The following PLEKHA1 variants were observed in gnomAD, a reference collection of about 807,000 sequenced individuals.
The protein encoded by PLEKHA1 is pleckstrin homology domain containing A1.
A neutral mutation model predicts 52.0 loss-of-function variants in PLEKHA1; 34 were observed. That is an observed-to-expected ratio of 0.65 (90% CI 0.50 to 0.87). The LOEUF is 0.87. PLEKHA1 is among the 40% of genes least tolerant of loss of function. The pLI is 0.00. For synonymous variants in PLEKHA1, 163 were observed against 170.7 expected (o/e 0.95, Z 0.35); for missense variants, 497 against 504.2 (o/e 0.99, Z 0.14).
the PLEKHA1 span, chr10:122,440,716 G>A: frequency 1.3e-5 from 2 of 152,068 alleles, no homozygotes. Context: ...CCTTTTAAAA[G>A]CCAAAGACTT....
chr10:122,377,483 T>C (rs1445500922), intron 1 of PLEKHA1, among the ~76,000 whole-genome samples: 1 of 152,234 alleles, frequency 6.6e-6, no homozygotes, highest in Non-Finnish European at 1.5e-5. Context: ...TTTAGGTTTT[T>C]TGACCATTTG....
Position 122,393,489 on chromosome 10 carries a change from GA to G in PLEKHA1, c.141+149del. ...GCTGTCCTCTCTGCCCTGCACCCCT[GA>G]CCTCTACTGTTTTGTTTGAATTTCA... On this transcript the variant is annotated intron_variant, in intron 2 of 11. Transcript: ENST00000368990. The surrounding 1 kb of genome is among the most constrained non-coding windows in gnomAD (Gnocchi z 4.5). 1.6e-6 allele frequency: 1 copy of G among 631,526 alleles called. No homozygotes were observed. The highest frequency in any genetic ancestry group is 2.3e-6 in the Non-Finnish European group (1 of 427,928). 39.1% of individuals were successfully genotyped at this position (631,526 alleles called of 1,614,324 possible). A position where few individuals can be genotyped will look rare whatever the true frequency, so the allele number is the denominator to read the frequency against.
Position 122,417,294 on chromosome 10 carries a change from G to A in PLEKHA1, c.613-606G>A, listed in dbSNP as rs11200619. On this transcript the variant is annotated intron_variant, in intron 7 of 11. Transcript: ENST00000368990. ...TGTTTGCTCTTTACATGGGGTTGGC[G>A]GGGGCGAGGAGTAGGAGGAAGGGGA... Among the ~76,000 whole-genome samples the A allele has an allele frequency of 0.012, 1,770 of 151,714 alleles. 90 individuals are homozygous for A. In the East Asian group the frequency reaches 0.18, roughly 15 times the overall value.
intron 5 of PLEKHA1, among the ~76,000 whole-genome samples, chr10:122,411,384 A>G (rs1029295568): frequency 6.6e-6 from 1 of 152,216 alleles, no homozygotes; most frequent in Non-Finnish European, 1.5e-5. Context: ...GTAGCTCAGC[A>G]TCCTTTCATA....
chr10:122,402,257 C>T (rs561366387), intron 4 of PLEKHA1, among the ~76,000 whole-genome samples: 16 of 152,198 alleles, frequency 1.1e-4, no homozygotes, highest in African/African-American at 3.1e-4. Flanking sequence ...TAAGATTAGT[C>T]GTTCATTGGT....
At chr10:122,412,132 T>G (rs1321355499) in intron 5 of PLEKHA1, 1 of 152,232 alleles carries the variant, frequency 6.6e-6, no homozygotes, top group Non-Finnish European at 1.5e-5. Flanking sequence ...TAAAAATTTA[T>G]GATACCTCTG....
At chr10:122,376,513 T>G (rs1316355273) in intron 1 of PLEKHA1, among the ~76,000 whole-genome samples, 6,482 of 31,876 alleles carry the variant, frequency 0.2, 496 homozygotes, top group African/African-American at 0.36. Flanking sequence ...TATATATATA[T>G]ATATATATAT....
At chr10:122,401,983 G>A (rs775670762) in intron 4 of PLEKHA1, among the ~76,000 whole-genome samples, 5 of 152,106 alleles carry the variant, frequency 3.3e-5, no homozygotes, top group Non-Finnish European at 7.4e-5. Context: ...TCACTATGAA[G>A]CTATTTTTAA....
At chr10:122,425,020 T>G in intron 10 of PLEKHA1, 61 bp downstream of exon 10, 1 of 1,428,272 alleles carries the variant, frequency 7.0e-7, no homozygotes, top group Non-Finnish European at 9.6e-7. Flanking sequence ...ATATTAGAGG[T>G]GAAATAAACA....
At chr10:122,429,530 GT>G (rs2097395137) in intron 11 of PLEKHA1, 93 bp from the exon 12 acceptor site, 45 of 886,118 alleles carry the variant, frequency 5.1e-5, no homozygotes, top group Middle Eastern at 2.7e-4. Flanking sequence ...GTGTGTGTGT[GT>G]TTTATTTGTT....
chr10:122,429,582 CATG>C (rs2133734318), intron 11 of PLEKHA1, 39 bp from the exon 12 acceptor site: 1 of 1,579,904 alleles, frequency 6.3e-7, no homozygotes, highest in East Asian at 2.2e-5. Context: ...CTAACCTGGT[CATG>C]AGTGACTGAC....
intron 10 of PLEKHA1, chr10:122,425,858 C>T (rs961683327): frequency 3.3e-5 from 5 of 151,928 alleles, no homozygotes; most frequent in Non-Finnish European, 5.9e-5. Flanking sequence ...CACATTGAGG[C>T]AACCATTCTT....
At position 122,432,292 on chromosome 10, in the gene PLEKHA1, T is replaced by C. The variant is rs1458811472; in HGVS notation, c.*2354T>C. On this transcript the variant is annotated 3_prime_UTR_variant, in exon 12 of 12. Coordinates refer to ENST00000368990, the MANE Select transcript of PLEKHA1 (RefSeq NM_001001974.4). ...ACATTTACTGTTAAAGTGTGTTATCTTTATATGTCAAACTGGTTGAACACT... is the reference window on the plus strand; with the variant it reads ...ACATTTACTGTTAAAGTGTGTTATCCTTATATGTCAAACTGGTTGAACACT... 3 of 152,230 alleles carry C rather than the reference T, an allele frequency of 2.0e-5. No homozygotes were observed. Among genetic ancestry groups the C allele is most frequent in the Non-Finnish European group, 4.4e-5 (3 of 68,036 alleles). 9.4% of individuals were successfully genotyped at this position (152,230 alleles called of 1,614,324 possible).
intron 4 of PLEKHA1, among the ~76,000 whole-genome samples, chr10:122,403,023 C>T (rs1465528073): frequency 6.6e-6 from 1 of 152,164 alleles, no homozygotes; most frequent in Non-Finnish European, 1.5e-5. Flanking sequence ...CAATCAACAG[C>T]CCTACGACAA....
chr10:122,442,292 A>G, the PLEKHA1 span: 1 of 152,082 alleles, frequency 6.6e-6, no homozygotes, highest in African/African-American at 2.4e-5. Context: ...TTGTGAGCCT[A>G]AGCCTTCCTC....
chr10:122,407,468 A>C (rs2097035932), intron 5 of PLEKHA1, among the ~76,000 whole-genome samples: 1 of 152,190 alleles, frequency 6.6e-6, no homozygotes, highest in African/African-American at 2.4e-5. Flanking sequence ...ATGGAGCTGG[A>C]AGCCCAGTCC....
At chr10:122,436,213 A>G (rs951809419), downstream of PLEKHA1, 29 of 152,278 alleles carry the variant, frequency 1.9e-4, no homozygotes, top group African/African-American at 6.3e-4. Context: ...CTTCTCTTTT[A>G]AAATAGTACT....
chr10:122,403,970 G>A (rs1035024067), intron 4 of PLEKHA1, among the ~76,000 whole-genome samples: 4 of 152,186 alleles, frequency 2.6e-5, no homozygotes, highest in Admixed American at 1.3e-4. Context: ...GGGATTACAG[G>A]CGTGAGCCAC....
rs779315038 is a variant in PLEKHA1, at chr10:122,429,911, T to C, written c.1188T>C (p.Asp396=). Residue 396 remains aspartate, a synonymous_variant, in exon 12 of 12, where the codon GAT becomes GAC. Coordinates refer to ENST00000368990, the MANE Select transcript of PLEKHA1 (RefSeq NM_001001974.4). Reference sequence around the variant, plus strand: ...ATTGTGACCTAGTAGACTTGGACGATGCGAGCCTTCCGGTCAGTGACGTGT... The same window carrying C: ...ATTGTGACCTAGTAGACTTGGACGACGCGAGCCTTCCGGTCAGTGACGTGT... ...EKDCDLVDLD[D]ASLPVSDV is the part of the protein sequence containing the mutation. 131 of 1,613,746 alleles carry C rather than the reference T, an allele frequency of 8.1e-5. No individual in the cohort carries two copies. Among genetic ancestry groups the C allele is most frequent in the Non-Finnish European group, 1.1e-4 (125 of 1,179,882 alleles).
Sources: gnomAD v4.1 joint callset for allele counts (sites outside exome capture counted in the v4.1 genomes callset) on GRCh38, gnomAD v4.1.1 for gene constraint, Gnocchi (gnomAD v3.1) non-coding constraint, MANE v1.5 for transcripts, NCBI Gene and HGNC (gene_info 2026-07-23, HGNC 2026-07-21) for gene names.